CWF19L2: variants seen among roughly 807,000 people sequenced by gnomAD.
The protein encoded by CWF19L2 is CWF19-like protein 2.
Under a neutral mutation model 111.7 loss-of-function variants are expected in CWF19L2, and 98 were observed. That is an observed-to-expected ratio of 0.88 (90% CI 0.75 to 1.04). The LOEUF is 1.04. Among genes scored for constraint, CWF19L2 ranks in the 50% least tolerant of loss-of-function variants. The probability of loss-of-function intolerance (pLI) is 0.00; values close to 1 mark genes in which losing one functional copy is unlikely to be tolerated. For missense variants in CWF19L2, 1,101 were observed against 1,051.4 expected (o/e 1.05, Z -0.65); for synonymous variants, 351 against 342.9 (o/e 1.02, Z -0.26).
intron 8 of CWF19L2, among the ~76,000 whole-genome samples, chr11:107,423,440 C>CATAGGGGAAT (rs1861329573): frequency 6.6e-6 from 1 of 151,920 alleles, no homozygotes; most frequent in South Asian, 2.1e-4. Context: ...TGCAATTATT[C>CATAGGGGAAT]CCCTATGAAG....
At position 107,392,793 on chromosome 11, in the gene CWF19L2, T is replaced by G; in HGVS notation, c.1720A>C (p.Arg574=). The change falls in exon 11 of 18, where the codon AGA becomes CGA. Residue 574 remains arginine (R), a synonymous_variant. Coordinates refer to ENST00000282251, the MANE Select transcript of CWF19L2 (RefSeq NM_152434.3). Reference sequence around the variant, plus strand: ...GTTAAACATACCATCTGTCTCTTTCTTCTTCCTCCTTGTGATTCCAGAGAT... The same window carrying G: ...GTTAAACATACCATCTGTCTCTTTCGTCTTCCTCCTTGTGATTCCAGAGAT... ...GKSLESQGGR[R]KRQMVSTHEE... is the part of the protein sequence containing the mutation. 1 of 1,584,702 alleles carries G rather than the reference T, an allele frequency of 6.3e-7. No individual in the cohort carries two copies.
intron 6 of CWF19L2, among the ~76,000 whole-genome samples, chr11:107,435,116 A>G (rs1329175509): frequency 1.3e-5 from 2 of 152,160 alleles, no homozygotes; most frequent in African/African-American, 2.4e-5. Context: ...CCATTCTCCC[A>G]TTCAGATCTC....
At chr11:107,361,569 A>C (rs1860337716) in intron 12 of CWF19L2, among the ~76,000 whole-genome samples, 1 of 152,198 alleles carries the variant, frequency 6.6e-6, no homozygotes, top group South Asian at 2.1e-4. Context: ...TCTGGCCAGT[A>C]TGGCAATTTT....
chr11:107,361,727 A>G (rs1591162978), intron 12 of CWF19L2, among the ~76,000 whole-genome samples: 1 of 152,128 alleles, frequency 6.6e-6, no homozygotes, highest in Non-Finnish European at 1.5e-5. Flanking sequence ...ATTATTTTTT[A>G]TAGCTATTGT....
At chr11:107,363,235 T>C (rs1264127325) in intron 12 of CWF19L2, among the ~76,000 whole-genome samples, 3 of 152,092 alleles carry the variant, frequency 2.0e-5, no homozygotes, top group Admixed American at 1.3e-4. Context: ...TGGAACCAAG[T>C]TGGAAAACAC....
intron 10 of CWF19L2, among the ~76,000 whole-genome samples, chr11:107,395,016 A>G (rs988763646): frequency 5.3e-5 from 8 of 152,206 alleles, no homozygotes; most frequent in African/African-American, 1.9e-4. Context: ...AAGTATAGAA[A>G]CTGAGTGTTT....
At chr11:107,348,881 A>G (rs1860117908) in intron 14 of CWF19L2, 56 bp downstream of exon 14, 1 of 978,326 alleles carries the variant, frequency 1.0e-6, no homozygotes, top group South Asian at 1.5e-5. Flanking sequence ...TATCACAATA[A>G]TTTACAAAAA....
chr11:107,430,225 C>G (rs1461399958), intron 7 of CWF19L2, among the ~76,000 whole-genome samples: 1 of 150,492 alleles, frequency 6.6e-6, no homozygotes, highest in Non-Finnish European at 1.5e-5. Flanking sequence ...AAAAAAAAAC[C>G]TTTACAAGGA....
chr11:107,411,058 A>G (rs1026694734), intron 10 of CWF19L2, among the ~76,000 whole-genome samples: 1 of 147,900 alleles, frequency 6.8e-6, no homozygotes, highest in Non-Finnish European at 1.5e-5. Flanking sequence ...ATGCTTTTAT[A>G]AGAGTGTGGT....
chr11:107,406,293 C>T (rs1861076223), intron 10 of CWF19L2, among the ~76,000 whole-genome samples: 1 of 152,228 alleles, frequency 6.6e-6, no homozygotes, highest in Admixed American at 6.5e-5. Context: ...AGTTTGTTAT[C>T]ACTGAATGCC....
chr11:107,443,497 A>T (rs561515876), intron 3 of CWF19L2, among the ~76,000 whole-genome samples: 1 of 152,144 alleles, frequency 6.6e-6, no homozygotes, highest in Non-Finnish European at 1.5e-5. Context: ...AAATTTTTTT[A>T]AAGAAAAAAC....
At chr11:107,379,682 C>T (rs1446832002) in intron 12 of CWF19L2, among the ~76,000 whole-genome samples, 1 of 152,156 alleles carries the variant, frequency 6.6e-6, no homozygotes, top group African/African-American at 2.4e-5. Flanking sequence ...GTCTTCTAAC[C>T]ATGAAAGCTA....
chr11:107,442,882 G>GAGGAAGGAAGGAAGGAAGGAAGGA, intron 4 of CWF19L2, 57 bp downstream of exon 4: 1 of 706,620 alleles, frequency 1.4e-6, no homozygotes, highest in East Asian at 2.9e-5. Flanking sequence ...GGGAGGGAGG[G>GAGGAAGGAAGGAAGGAAGGAAGGA]AGGAAGGAAG....
At chr11:107,328,914 T>C (rs892029619) in intron 17 of CWF19L2, among the ~76,000 whole-genome samples, 2 of 152,238 alleles carry the variant, frequency 1.3e-5, no homozygotes, top group African/African-American at 4.8e-5. Context: ...TGCATGTTAC[T>C]TTGTTATGCT....
At chr11:107,435,929 G>A (rs1033300288) in intron 6 of CWF19L2, among the ~76,000 whole-genome samples, 1 of 152,100 alleles carries the variant, frequency 6.6e-6, no homozygotes, top group African/African-American at 2.4e-5. Context: ...GCCAAGGTGG[G>A]CAGATCAGGA....
intron 12 of CWF19L2, among the ~76,000 whole-genome samples, chr11:107,357,601 T>C (rs1565250999): frequency 6.6e-6 from 1 of 152,212 alleles, no homozygotes; most frequent in Admixed American, 6.5e-5. Flanking sequence ...TTGAAAATGA[T>C]ACAGTCTTGC....
chr11:107,355,109 A>C (rs1175141418), intron 12 of CWF19L2, among the ~76,000 whole-genome samples: 1 of 152,158 alleles, frequency 6.6e-6, no homozygotes, highest in Non-Finnish European at 1.5e-5. Context: ...GGAAGTATTA[A>C]AGTACTAAGT....
chr11:107,343,310 C>T (rs188498071), intron 14 of CWF19L2, among the ~76,000 whole-genome samples: 89 of 152,104 alleles, frequency 5.9e-4, no homozygotes, highest in East Asian at 5.8e-3. Context: ...GGTGTACACA[C>T]ATTTAGGACT....
chr11:107,337,356 A>G (rs1172465517), intron 14 of CWF19L2, among the ~76,000 whole-genome samples: 3 of 148,002 alleles, frequency 2.0e-5, no homozygotes, highest in Admixed American at 6.9e-5. Context: ...TCAGTTGTGG[A>G]GGTGTGTGTT....
Sources: gnomAD v4.1 joint callset for allele counts (sites outside exome capture counted in the v4.1 genomes callset) on GRCh38, gnomAD v4.1.1 for gene constraint, MANE v1.5 for transcripts, NCBI Gene and HGNC (gene_info 2026-07-23, HGNC 2026-07-21) for gene names.